Variants in CNTN5 observed in about 807,000 individuals in gnomAD.
CNTN5 encodes the protein contactin-5.
Under a neutral mutation model 129.1 loss-of-function variants are expected in CNTN5, and 77 were observed. The observed-to-expected ratio is 0.60, with a 90% CI of 0.50 to 0.72. The LOEUF (loss-of-function observed/expected upper bound fraction) is 0.72. CNTN5 is among the 30% of genes least tolerant of loss of function. The pLI is 0.00. For synonymous variants in CNTN5, 509 were observed against 465.6 expected, an observed-to-expected ratio of 1.09 and a Z score of -1.20; for missense variants, 1,478 against 1,328.8, an observed-to-expected ratio of 1.11 and a Z score of -1.75.
chr11:100,207,340 A>T (rs989072142), intron 15 of CNTN5, among the ~76,000 whole-genome samples: 29 of 152,188 alleles, frequency 1.9e-4, no homozygotes, highest in Non-Finnish European at 4.4e-5. Context: ...GCATAAGCTA[A>T]GGTAATAATC....
chr11:100,172,007 A>G (rs1947841767), intron 13 of CNTN5, among the ~76,000 whole-genome samples: 1 of 152,066 alleles, frequency 6.6e-6, no homozygotes, highest in South Asian at 2.1e-4. Context: ...TATTCATGTT[A>G]ATACACATAC....
At chr11:99,480,267 G>T (rs1450424534) in intron 2 of CNTN5, among the ~76,000 whole-genome samples, 2 of 151,978 alleles carry the variant, frequency 1.3e-5, no homozygotes, top group African/African-American at 2.4e-5. Flanking sequence ...TGCCAGTTTT[G>T]CTTCTTGAAA....
intron 6 of CNTN5, among the ~76,000 whole-genome samples, chr11:99,886,930 A>G (rs1948915880): frequency 6.6e-6 from 1 of 152,158 alleles, no homozygotes; most frequent in South Asian, 2.1e-4. Flanking sequence ...GCTTATCTCA[A>G]AATATTAGGA....
intron 6 of CNTN5, among the ~76,000 whole-genome samples, chr11:99,874,586 C>T (rs932332470): frequency 3.9e-5 from 6 of 152,154 alleles, no homozygotes; most frequent in African/African-American, 4.8e-5. Context: ...ATATTCTAAT[C>T]TATCATTTAT....
rs1449369912 is a variant in CNTN5 at position 99,042,362 on chromosome 11, CTTCTTTTTTT to C, written c.-210+21095_-210+21104del. On this transcript the variant is annotated intron_variant, in intron 1 of 24. Transcript: ENST00000524871. Reference sequence around the variant, plus strand: ...CTGCACATGTACCTCCCTTCTTCTTCTTCTTTTTTTTTTTTTTTTTTTTTTTTTTTGAGAC... The same window carrying C: ...CTGCACATGTACCTCCCTTCTTCTTCTTTTTTTTTTTTTTTTTTTTGAGAC... Among the ~76,000 whole-genome samples the C allele has an allele frequency of 2.6e-3, 317 of 120,778 alleles. 3 individuals carry two copies. The highest frequency in any genetic ancestry group is 9.4e-3 in the African/African-American group (289 of 30,834). The allele number at this position is 120,778 out of a possible 152,430, so 79.2% of individuals were successfully genotyped here.
intron 2 of CNTN5, among the ~76,000 whole-genome samples, chr11:99,547,638 G>A (rs558985865): frequency 6.6e-6 from 1 of 152,144 alleles, no homozygotes; most frequent in Admixed American, 6.5e-5. Flanking sequence ...AAAATCTAAA[G>A]TTAATTGCAT....
At chr11:99,767,806 G>A (rs1249038665) in intron 3 of CNTN5, among the ~76,000 whole-genome samples, 4 of 151,952 alleles carry the variant, frequency 2.6e-5, no homozygotes, top group South Asian at 4.1e-4. Context: ...ATTAAATACT[G>A]TTATTTCCAC....
chr11:99,399,691 T>A (rs1941699266), intron 2 of CNTN5, among the ~76,000 whole-genome samples: 1 of 151,808 alleles, frequency 6.6e-6, no homozygotes, highest in Admixed American at 6.6e-5. Flanking sequence ...AACCAGAAAA[T>A]ACACCAAAGA....
intron 1 of CNTN5, among the ~76,000 whole-genome samples, chr11:99,265,098 A>G (rs1436587567): frequency 6.6e-6 from 1 of 152,030 alleles, no homozygotes; most frequent in Non-Finnish European, 1.5e-5. Context: ...TATTATTAGA[A>G]TGATACACTA....
At chr11:99,785,745 G>A (rs768544888) in intron 3 of CNTN5, among the ~76,000 whole-genome samples, 6 of 151,998 alleles carry the variant, frequency 3.9e-5, no homozygotes, top group Non-Finnish European at 8.8e-5. Flanking sequence ...CAGAACCAAT[G>A]ACAGAAACCG....
intron 2 of CNTN5, among the ~76,000 whole-genome samples, chr11:99,372,765 C>A (rs1939901745): frequency 6.6e-6 from 1 of 152,176 alleles, no homozygotes; most frequent in African/African-American, 2.4e-5. Context: ...CCTACAAAAT[C>A]CTCAATCAAA....
chr11:99,636,708 TG>T (rs759602198), intron 3 of CNTN5, among the ~76,000 whole-genome samples: 1 of 151,680 alleles, frequency 6.6e-6, no homozygotes, highest in Non-Finnish European at 1.5e-5. Context: ...CATAGTAACC[TG>T]TTAGGTTAAA....
intron 16 of CNTN5, among the ~76,000 whole-genome samples, chr11:100,254,788 C>T (rs1950034374): frequency 6.6e-6 from 1 of 151,972 alleles, no homozygotes; most frequent in Non-Finnish European, 1.5e-5. Flanking sequence ...AGCATTTGTA[C>T]ATAAAGACCA....
intron 3 of CNTN5, among the ~76,000 whole-genome samples, chr11:99,629,902 T>G (rs1265917759): frequency 6.6e-6 from 1 of 151,704 alleles, no homozygotes; most frequent in Non-Finnish European, 1.5e-5. Context: ...TTGATAAAAA[T>G]AATACTTGAT....
chr11:99,151,254 G>A (rs1195249959), intron 1 of CNTN5, among the ~76,000 whole-genome samples: 1 of 151,956 alleles, frequency 6.6e-6, no homozygotes, highest in African/African-American at 2.4e-5. Flanking sequence ...AGATAGGTTA[G>A]GCATGTCATG....
chr11:99,432,439 C>CCTTTTCTTTT (rs1176549750), intron 2 of CNTN5, among the ~76,000 whole-genome samples: 2 of 113,290 alleles, frequency 1.8e-5, no homozygotes, highest in African/African-American at 6.1e-5. Context: ...CCTTTTCTTT[C>CCTTTTCTTTT]CTTTTCTTTT....
chr11:99,443,979 T>C (rs1487618692), intron 2 of CNTN5, among the ~76,000 whole-genome samples: 1 of 152,022 alleles, frequency 6.6e-6, no homozygotes, highest in African/African-American at 2.4e-5. Flanking sequence ...AGCTGTATCA[T>C]CTGAGGTCAG....
intron 2 of CNTN5, among the ~76,000 whole-genome samples, chr11:99,499,396 C>CAGA (rs1045452603): frequency 5.9e-5 from 9 of 152,138 alleles, no homozygotes; most frequent in African/African-American, 2.2e-4. Context: ...CATTTGCATG[C>CAGA]AGCGTTCAGT....
At chr11:99,171,550 T>C (rs548445486) in intron 1 of CNTN5, among the ~76,000 whole-genome samples, 46 of 152,298 alleles carry the variant, frequency 3.0e-4, no homozygotes, top group African/African-American at 1.1e-3. Flanking sequence ...ATGTCCTGTT[T>C]CCTTGTAGTT....
Sources: allele counts gnomAD v4.1 joint callset (sites outside exome capture counted in the v4.1 genomes callset), GRCh38; gene constraint gnomAD v4.1.1; transcripts MANE v1.5; gene names NCBI Gene and HGNC (gene_info 2026-07-23, HGNC 2026-07-21).